The following DOCK7 variants were observed in gnomAD, a reference collection of about 807,000 sequenced individuals.
The protein encoded by DOCK7 is dedicator of cytokinesis protein 7.
In DOCK7, 138 loss-of-function variants were observed where a neutral mutation model predicts 271.0. The ratio of observed to expected loss-of-function variants is 0.51; its 90% CI spans 0.44 to 0.59. The LOEUF is 0.59. Ranked by LOEUF, DOCK7 falls within the 20% of genes least tolerant of loss-of-function variation. The pLI is 0.00. For synonymous variants in DOCK7, 823 were observed against 876.1 expected, an observed-to-expected ratio of 0.94 and a Z score of 1.07; for missense variants, 2,066 against 2,592.4, an observed-to-expected ratio of 0.80 and a Z score of 4.41.
At position 62,494,300 on chromosome 1, in the gene DOCK7, A is replaced by G; in HGVS notation, c.5192T>C (p.Leu1731Pro). ...CTGAAATGTTACACATCCCACAGGAAGATATTTCCGGTCCTCCAGCATGCT... is the reference window on the plus strand; with the variant it reads ...CTGAAATGTTACACATCCCACAGGAGGATATTTCCGGTCCTCCAGCATGCT... The part of the protein sequence containing the change: ...YLSMLEDRKY[L>P]PVGCVTFQNI... Residue 1731 changes from leucine to proline, a missense_variant, in exon 40 of 50, where the codon CTT becomes CCT. Around this residue, in one of 2 missense-constraint regions of DOCK7, gnomAD observed 652 missense variants for 922.1 expected, o/e 0.71. Coordinates refer to ENST00000635253, the MANE Select transcript of DOCK7 (RefSeq NM_001367561.1). 1 of 1,601,038 alleles carries G rather than the reference A, an allele frequency of 6.2e-7. No homozygotes were observed. Among genetic ancestry groups the G allele is most frequent in the Non-Finnish European group, 8.5e-7 (1 of 1,170,014 alleles).
At chr1:62,550,167 T>C (rs1017806796) in intron 22 of DOCK7, among the ~76,000 whole-genome samples, 2 of 152,176 alleles carry the variant, frequency 1.3e-5, no homozygotes, top group Admixed American at 6.5e-5. Flanking sequence ...AATGATTCAG[T>C]ATTTAGGGAG....
chr1:62,608,300 T>G (rs1468305334), intron 14 of DOCK7: 1 of 152,142 alleles, frequency 6.6e-6, no homozygotes, highest in African/African-American at 2.4e-5. Context: ...CCAAATTACC[T>G]CTTCAGCCAT....
At chr1:62,671,217 G>T (rs542175830) in intron 1 of DOCK7, among the ~76,000 whole-genome samples, 262 of 152,330 alleles carry the variant, frequency 1.7e-3, no homozygotes, top group Non-Finnish European at 2.6e-3. Context: ...CTTCATTCTT[G>T]AAGTCAGTGA....
At chr1:62,617,914 G>A (rs1008542162) in intron 14 of DOCK7, among the ~76,000 whole-genome samples, 4 of 152,008 alleles carry the variant, frequency 2.6e-5, no homozygotes, top group Non-Finnish European at 5.9e-5. Flanking sequence ...GAATAAATGT[G>A]AGGGGTAGGA....
chr1:62,544,805 G>A (rs899999795), intron 23 of DOCK7, 142 bp downstream of exon 23: 1 of 592,102 alleles, frequency 1.7e-6, no homozygotes, highest in African/African-American at 1.9e-5. Context: ...ATAGTAGTTG[G>A]AAAATGTGCT....
chr1:62,489,046 A>C lies in DOCK7; in HGVS notation c.5381T>G (p.Val1794Gly), dbSNP rs1646380589. ...AATAAGTACTTTGTAAACTTCATTA[A>C]CTGCTTCATACATGCCAGCCTATAA... ...SFSMAGMYEA[V>G]NEVYKVLIPI... is the part of the protein sequence containing the mutation. Residue 1794 changes from valine to glycine, a missense_variant, in exon 42 of 50, where the codon GTT (valine) becomes GGT (glycine). By Grantham distance (109) the Val-to-Gly change is moderately radical (BLOSUM62 -3). Coordinates refer to ENST00000635253, the MANE Select transcript of DOCK7 (RefSeq NM_001367561.1). 13 of 1,586,746 alleles carry C rather than the reference A, an allele frequency of 8.2e-6. No homozygotes were observed. Among genetic ancestry groups the C allele is most frequent in the Non-Finnish European group, 1.1e-5 (13 of 1,163,838 alleles).
chr1:62,501,530 CAG>C (rs1193778903), intron 37 of DOCK7, among the ~76,000 whole-genome samples: 2 of 152,008 alleles, frequency 1.3e-5, no homozygotes, highest in Non-Finnish European at 2.9e-5. Context: ...CAAAGAATGA[CAG>C]GGTGGAGGAG....
chr1:62,514,268 GACTC>G (rs1481141666), intron 31 of DOCK7, among the ~76,000 whole-genome samples: 1 of 152,054 alleles, frequency 6.6e-6, no homozygotes, highest in Non-Finnish European at 1.5e-5. Context: ...AAAAGCAACT[GACTC>G]ACAGTAAATA....
At chr1:62,682,396 G>A (rs1661269785) in intron 1 of DOCK7, among the ~76,000 whole-genome samples, 1 of 152,156 alleles carries the variant, frequency 6.6e-6, no homozygotes, top group Non-Finnish European at 1.5e-5. Flanking sequence ...GCAGCTTGGT[G>A]GCATTCATTT....
At position 62,538,017 on chromosome 1, in the gene DOCK7, C is replaced by T. The variant is rs949212506; in HGVS notation, c.3345G>A (p.Val1115=). 1 of 1,614,042 alleles carries T rather than the reference C, an allele frequency of 6.2e-7. No individual in the cohort carries two copies. The highest frequency in any genetic ancestry group is 1.7e-5 in the Admixed American group (1 of 60,028). ...LYSLPNPSVL[V]SLRLDFLRII... is the part of the protein sequence containing the mutation. The stretch of plus-strand genomic sequence containing the variant: ...TTCGTAGAAAATCCAGCCTCAAGGA[C>T]ACCAGAACACTGGGATTCGGTAATG... The change falls in exon 28 of 50, where the codon GTG becomes GTA. Residue 1115 remains valine (V), a synonymous_variant. Coordinates refer to ENST00000635253, the MANE Select transcript of DOCK7 (RefSeq NM_001367561.1).
At position 62,654,021 on chromosome 1, in the gene DOCK7, C is replaced by A; in HGVS notation, c.283G>T (p.Asp95Tyr). Residue 95 changes from aspartate to tyrosine, a missense_variant, in exon 3 of 50, where the codon GAC becomes TAC. Coordinates refer to ENST00000635253, the MANE Select transcript of DOCK7 (RefSeq NM_001367561.1). ...DDIEVVYSPR[D>Y]CRTLVSAVPE... ...ACAGCTGAAACAAGAGTTCTGCAGTCCCGAGGACTATAAACAACTTCAATA... is the reference window on the plus strand; with the variant it reads ...ACAGCTGAAACAAGAGTTCTGCAGTACCGAGGACTATAAACAACTTCAATA... The A allele has an allele frequency of 6.2e-7, 1 of 1,613,870 alleles. No homozygotes were observed. The highest frequency in any genetic ancestry group is 8.5e-7 in the Non-Finnish European group (1 of 1,179,870).
chr1:62,575,266 C>G (rs1646910992), intron 18 of DOCK7, among the ~76,000 whole-genome samples: 1 of 152,128 alleles, frequency 6.6e-6, no homozygotes, highest in South Asian at 2.1e-4. Flanking sequence ...TAAAGTTACA[C>G]CAAGTGTGCC....
chr1:62,653,187 T>C (rs1657587203), intron 4 of DOCK7, among the ~76,000 whole-genome samples: 1 of 152,220 alleles, frequency 6.6e-6, no homozygotes, highest in African/African-American at 2.4e-5. Context: ...ATTATACTTC[T>C]TAATCTGACT....
chr1:62,663,518 A>G (rs1658925570), intron 1 of DOCK7, among the ~76,000 whole-genome samples: 1 of 152,076 alleles, frequency 6.6e-6, no homozygotes, highest in African/African-American at 2.4e-5. Flanking sequence ...ATTAAATTAA[A>G]ATATATATAC....
At chr1:62,632,199 G>C (rs1318968315) in intron 10 of DOCK7, among the ~76,000 whole-genome samples, 7 of 152,122 alleles carry the variant, frequency 4.6e-5, no homozygotes, top group Admixed American at 4.6e-4. Flanking sequence ...ATAACTAAAT[G>C]ATAGCACTAT....
chr1:62,456,315 CTT>C (rs1454521330), intron 49 of DOCK7, among the ~76,000 whole-genome samples: 1 of 151,122 alleles, frequency 6.6e-6, no homozygotes, highest in Non-Finnish European at 1.5e-5. Context: ...GAATTTTAAA[CTT>C]AAATTCTAAA....
chr1:62,653,972 A>G lies in DOCK7; in HGVS notation c.320+12T>C, dbSNP rs745791696. ...TTCCTCTAAAGCCAAAAATAAGTCA[A>G]TGTCTCCTTACCTTTCTTCAGGTAC... On this transcript the variant is annotated intron_variant, in intron 3 of 49. Coordinates refer to ENST00000635253, the MANE Select transcript of DOCK7 (RefSeq NM_001367561.1). 2.5e-6 allele frequency: 4 copies of G among 1,607,194 alleles called. No individual in the cohort carries two copies. The highest frequency in any genetic ancestry group is 3.4e-6 in the Non-Finnish European group (4 of 1,177,398).
intron 24 of DOCK7, 156 bp downstream of exon 24, chr1:62,543,500 C>T (rs1645601542): frequency 2.1e-6 from 1 of 483,934 alleles, no homozygotes. Context: ...AGATATGCCC[C>T]AAAAGGCATC....
intron 7 of DOCK7, among the ~76,000 whole-genome samples, chr1:62,644,052 C>T (rs929379728): frequency 6.6e-6 from 1 of 151,868 alleles, no homozygotes; most frequent in African/African-American, 2.4e-5. Flanking sequence ...ATTGGTAGTC[C>T]TCTTCAGGTC....
Sources: allele counts gnomAD v4.1 joint callset (sites outside exome capture counted in the v4.1 genomes callset), GRCh38; gene constraint gnomAD v4.1.1; regional missense constraint gnomAD v4.1.1; transcripts MANE v1.5; gene names NCBI Gene and HGNC (gene_info 2026-07-23, HGNC 2026-07-21).